COBL: variants seen among roughly 807,000 people sequenced by gnomAD.
The protein encoded by COBL is protein cordon-bleu.
COBL carries 51 observed loss-of-function variants against 98.8 expected under a neutral mutation model. The observed-to-expected ratio is 0.52, with a 90% confidence interval of 0.41 to 0.65. The LOEUF is 0.65. Ranked by LOEUF, COBL falls within the 30% of genes least tolerant of loss-of-function variation. The probability of loss-of-function intolerance (pLI) is 0.00; values close to 1 mark genes in which losing one functional copy is unlikely to be tolerated. For synonymous variants in COBL, 634 were observed against 651.7 expected (o/e 0.97, Z 0.41); for missense variants, 1,617 against 1,617.5 (o/e 1.00, Z 0.01).
intron 2 of COBL, among the ~76,000 whole-genome samples, chr7:51,215,371 TTTTG>T (rs1334763472): frequency 6.6e-6 from 1 of 152,212 alleles, no homozygotes; most frequent in Non-Finnish European, 1.5e-5. Flanking sequence ...TTTGGCATGT[TTTTG>T]TTTTTTTCAG....
At chr7:51,284,129 CAAAA>C (rs71021763) in intron 1 of COBL, among the ~76,000 whole-genome samples, 1 of 66,240 alleles carries the variant, frequency 1.5e-5, no homozygotes, top group African/African-American at 6.5e-5. Context: ...ACCAAAAATA[CAAAA>C]AAAAAAAAAA....
chr7:51,172,333 T>C (rs1431572247), intron 5 of COBL: 2 of 470,192 alleles, frequency 4.3e-6, no homozygotes, highest in Non-Finnish European at 6.9e-6. Flanking sequence ...TTCGACTCTA[T>C]CTAGACTACA....
At position 51,065,437 on chromosome 7, in the gene COBL, GCTGCTCCATAAA is replaced by G; in HGVS notation, c.1096+19717_1096+19728del. 2.0e-4 allele frequency: 138 copies of G among 701,444 alleles called. No individual in the cohort carries two copies. The African/African-American group carries it at 2.0e-3, about 10-fold the overall frequency. 43.5% of individuals were successfully genotyped at this position (701,444 alleles called of 1,614,324 possible). A position where few individuals can be genotyped will look rare whatever the true frequency, so the allele number is the denominator to read the frequency against. ...GCTCAGAAGTCTTATCACAGCTTCA[GCTGCTCCATAAA>G]CTGTAGGGGCAAGGAGGAAATTCAA... is the stretch of plus-strand genomic sequence containing the variant. On this transcript the variant is annotated intron_variant, in intron 7 of 12. Coordinates refer to ENST00000265136, the MANE Select transcript of COBL (RefSeq NM_015198.5).
chr7:51,034,910 A>T (rs1242272083), intron 8 of COBL: 1 of 152,226 alleles, frequency 6.6e-6, no homozygotes, highest in African/African-American at 2.4e-5. Context: ...ATCAGGCTGC[A>T]TGTGTTGAAT....
chr7:51,257,581 G>A (rs1797312069), intron 1 of COBL, among the ~76,000 whole-genome samples: 1 of 152,126 alleles, frequency 6.6e-6, no homozygotes, highest in Admixed American at 6.6e-5. Context: ...TCAATGTTTA[G>A]ATTGAATATG....
chr7:51,226,974 G>C (rs1342049382), intron 1 of COBL, among the ~76,000 whole-genome samples: 1 of 152,100 alleles, frequency 6.6e-6, no homozygotes, highest in Admixed American at 6.6e-5. Flanking sequence ...TTCTAGCCCA[G>C]GTCTTTCTGA....
At chr7:51,222,702 A>G (rs1793765881) in intron 1 of COBL, among the ~76,000 whole-genome samples, 1 of 151,512 alleles carries the variant, frequency 6.6e-6, no homozygotes, top group Non-Finnish European at 1.5e-5. Context: ...ATTACCTCCC[A>G]AAGGTGTTTT....
chr7:51,167,725 C>T (rs963966909), intron 5 of COBL, among the ~76,000 whole-genome samples: 4 of 152,122 alleles, frequency 2.6e-5, no homozygotes, highest in Non-Finnish European at 4.4e-5. Context: ...GGCATAAAAA[C>T]AGACACACAC....
At chr7:51,237,548 A>AC (rs1795380629) in intron 1 of COBL, among the ~76,000 whole-genome samples, 1 of 151,472 alleles carries the variant, frequency 6.6e-6, no homozygotes, top group Admixed American at 6.6e-5. Context: ...TAAAAAAAAA[A>AC]AAAAAAAACT....
intron 1 of COBL, among the ~76,000 whole-genome samples, chr7:51,256,539 A>G (rs1433162861): frequency 6.6e-6 from 1 of 152,146 alleles, no homozygotes; most frequent in Non-Finnish European, 1.5e-5. Context: ...TTCGGATCTC[A>G]TGGAAAAACA....
chr7:51,068,593 C>T (rs1217365919), intron 7 of COBL, among the ~76,000 whole-genome samples: 1 of 152,048 alleles, frequency 6.6e-6, no homozygotes, highest in Non-Finnish European at 1.5e-5. Flanking sequence ...AAAATGATGA[C>T]TAAGGGATGC....
At chr7:51,086,465 A>G (rs2128942160) in intron 6 of COBL, among the ~76,000 whole-genome samples, 1 of 152,138 alleles carries the variant, frequency 6.6e-6, no homozygotes, top group East Asian at 1.9e-4. Context: ...CTCCAGTCCA[A>G]GTACTTCCTG....
At chr7:51,104,411 A>G (rs1796071743) in intron 6 of COBL, among the ~76,000 whole-genome samples, 1 of 152,206 alleles carries the variant, frequency 6.6e-6, no homozygotes, top group African/African-American at 2.4e-5. Context: ...CACACCCTGG[A>G]GCCAGATTGC....
At chr7:51,289,758 A>C (rs1800713685) in intron 1 of COBL, among the ~76,000 whole-genome samples, 1 of 152,244 alleles carries the variant, frequency 6.6e-6, no homozygotes, top group Non-Finnish European at 1.5e-5. Context: ...AGTGCCAAAA[A>C]CAATGACGCC....
intron 1 of COBL, among the ~76,000 whole-genome samples, chr7:51,262,060 G>A (rs1211145804): frequency 6.6e-6 from 1 of 152,232 alleles, no homozygotes; most frequent in East Asian, 1.9e-4. Context: ...GAGCTGGAGA[G>A]GGGTGGGCCC....
At chr7:51,269,404 T>A (rs148830891) in intron 1 of COBL, among the ~76,000 whole-genome samples, 189 of 152,272 alleles carry the variant, frequency 1.2e-3, no homozygotes, top group Middle Eastern at 3.4e-3. Context: ...AGGCCAGCAC[T>A]TGTCATGCCG....
rs201070718 is a variant in COBL, at chr7:51,153,302, CAATT to C, written c.784-16975_784-16972del. Among the ~76,000 whole-genome samples the C allele has an allele frequency of 4.4e-3, 672 of 152,052 alleles. 3 individuals carry two copies. The highest frequency in any genetic ancestry group is 0.012 in the African/African-American group (514 of 41,424). ...ACTGTTAATTTTGCTTTATTGTTAC[CAATT>C]AATTATTACTGATAATTAAAGATAT... On this transcript the variant is annotated intron_variant, in intron 5 of 12. Coordinates refer to ENST00000265136, the MANE Select transcript of COBL (RefSeq NM_015198.5).
rs1354763530 is a variant in COBL at position 51,030,806 on chromosome 7, T to C, written c.1504+6A>G. ...ATATCAGAGTAGCGGATCAGGTGGT[T>C]CTTACCTTCCAGGTCTTCATCAAGT... On this transcript the variant is annotated splice_donor_region_variant and intron_variant, in intron 9 of 12. Coordinates refer to ENST00000265136, the MANE Select transcript of COBL (RefSeq NM_015198.5). The C allele has an allele frequency of 1.9e-6, 3 of 1,588,904 alleles. No homozygotes were observed. In the Admixed American group the frequency reaches 5.0e-5, roughly 27 times the overall value.
intron 1 of COBL, among the ~76,000 whole-genome samples, chr7:51,221,935 C>A (rs894517013): frequency 6.6e-6 from 1 of 152,200 alleles, no homozygotes; most frequent in African/African-American, 2.4e-5. Context: ...TGCCTGTAAT[C>A]CCAGCATTTA....
Sources: gnomAD v4.1 joint callset for allele counts (sites outside exome capture counted in the v4.1 genomes callset) on GRCh38, gnomAD v4.1.1 for gene constraint, MANE v1.5 for transcripts, NCBI Gene and HGNC (gene_info 2026-07-23, HGNC 2026-07-21) for gene names.